ADCY5: variants seen among roughly 807,000 people sequenced by gnomAD.
ADCY5 encodes adenylate cyclase 5, also known as adenylate cyclase type 5.
In ADCY5, 30 loss-of-function variants were observed where a neutral mutation model predicts 119.7. That is an observed-to-expected ratio of 0.25 (90% CI 0.19 to 0.34). The LOEUF (loss-of-function observed/expected upper bound fraction) is 0.34, where lower values mean the gene tolerates loss of function less well. ADCY5 is among the 10% of genes least tolerant of loss of function. The probability of loss-of-function intolerance (pLI) is 1.00; values close to 1 mark genes in which losing one functional copy is unlikely to be tolerated. For missense variants in ADCY5, 1,324 were observed against 1,775.2 expected, an observed-to-expected ratio of 0.75 and a Z score of 4.57; for synonymous variants, 753 against 762.2, an observed-to-expected ratio of 0.99 and a Z score of 0.20.
In ADCY5 at chr3:123,448,406, C is replaced by G; in HGVS notation, c.140G>C (p.Gly47Ala). ...CTTGGTGGAGCCGCGGGCAGAGCCC[C>G]CGGGGGCATGGGGGTAGCCATTCGC... ...SRANGYPHAPGGSARGSTKKP... is the reference protein window; with the variant it reads ...SRANGYPHAPAGSARGSTKKP... Residue 47 changes from glycine to alanine, a missense_variant, in exon 1 of 21, where the codon GGG (glycine) becomes GCG (alanine). Around this residue, in one of 6 missense-constraint regions of ADCY5, gnomAD observed 585 missense variants for 569.9 expected, o/e 1.03. Transcript: ENST00000462833. 1 of 1,416,290 alleles carries G rather than the reference C, an allele frequency of 7.1e-7. No individual in the cohort carries two copies. Among genetic ancestry groups the G allele is most frequent in the South Asian group, 1.4e-5 (1 of 69,772 alleles). 87.7% of individuals were successfully genotyped at this position (1,416,290 alleles called of 1,614,324 possible).
intron 3 of ADCY5, among the ~76,000 whole-genome samples, chr3:123,342,850 C>T (rs1942356413): frequency 6.6e-6 from 1 of 152,170 alleles, no homozygotes; most frequent in African/African-American, 2.4e-5. Context: ...CCCCTGAAAC[C>T]TTTGGGGTGT....
chr3:123,447,712 G>A lies in ADCY5; in HGVS notation c.834C>T (p.Val278=). 1 of 1,599,334 alleles carries A rather than the reference G, an allele frequency of 6.3e-7. No individual in the cohort carries two copies. The highest frequency in any genetic ancestry group is 1.3e-5 in the African/African-American group (1 of 74,704). The change falls in exon 1 of 21, where the codon GTC becomes GTT. Residue 278 remains valine, a synonymous_variant. Coordinates refer to ENST00000462833, the MANE Select transcript of ADCY5 (RefSeq NM_183357.3). ...LPYLAVLAAA[V]GVILIMAVLC... is the part of the protein sequence containing the mutation. The stretch of plus-strand genomic sequence containing the variant: ...GCACAGCCATGATGAGGATCACGCC[G>A]ACGGCGGCCGCCAGCACGGCCAGGT...
At chr3:123,297,191 C>T (rs919166168) in intron 16 of ADCY5, 162 bp downstream of exon 16, 98 of 1,331,166 alleles carry the variant, frequency 7.4e-5, no homozygotes, top group Middle Eastern at 1.9e-4. Context: ...CCCCCGAGGA[C>T]GCCTTGCTAC....
Position 123,392,633 on chromosome 3 carries a change from C to A in ADCY5, c.1135-40052G>T, listed in dbSNP as rs569978918. Among the ~76,000 whole-genome samples the A allele has an allele frequency of 4.6e-5, 7 of 152,256 alleles. No homozygotes were observed. In the South Asian group the frequency reaches 1.5e-3, roughly 32 times the overall value. ...GAGTCTGAATCCAGGCCCTCGGTCCCCAGGCAGACAGTGTTACTCCCCTTC... is the reference window on the plus strand; with the variant it reads ...GAGTCTGAATCCAGGCCCTCGGTCCACAGGCAGACAGTGTTACTCCCCTTC... On this transcript the variant is annotated intron_variant, in intron 1 of 20. Coordinates refer to ENST00000462833, the MANE Select transcript of ADCY5 (RefSeq NM_183357.3).
intron 12 of ADCY5, among the ~76,000 whole-genome samples, chr3:123,308,783 C>T (rs529282583): frequency 1.3e-4 from 20 of 152,208 alleles, no homozygotes; most frequent in South Asian, 1.0e-3. Context: ...GAGCCGAGAT[C>T]GTGCCACTGC....
At chr3:123,379,351 T>G in intron 1 of ADCY5, among the ~76,000 whole-genome samples, 1 of 150,982 alleles carries the variant, frequency 6.6e-6, no homozygotes, top group African/African-American at 2.4e-5. Context: ...GACCCCGGAG[T>G]GGGGTTTGGG....
chr3:123,414,715 C>T (rs897502089), intron 1 of ADCY5, among the ~76,000 whole-genome samples: 12 of 152,160 alleles, frequency 7.9e-5, no homozygotes, highest in African/African-American at 2.7e-4. Context: ...CACCACCATG[C>T]CCGGCTAATT....
rs752517210 is a variant in ADCY5 at position 123,331,008 on chromosome 3, G to A, written c.1527C>T (p.His509=). 9 of 1,610,456 alleles carry A rather than the reference G, an allele frequency of 5.6e-6. No individual in the cohort carries two copies. In the African/African-American group the frequency reaches 6.7e-5, roughly 12 times the overall value. ...ARFDKLAAEN[H]CLRIKILGDC... ...CCCCAAGGATCTTAATACGTAAACA[G>A]TGATTCTCCTGGAAAGCAAATTAAT... The change falls in exon 5 of 21, where the codon CAC becomes CAT. Residue 509 remains histidine (H), a synonymous_variant. Coordinates refer to ENST00000462833, the MANE Select transcript of ADCY5 (RefSeq NM_183357.3).
At position 123,448,367 on chromosome 3, in the gene ADCY5, GC is replaced by G. The variant is rs756172692; in HGVS notation, c.178del (p.Ala60ArgfsTer2). The G allele has an allele frequency of 2.0e-5, 30 of 1,487,084 alleles. No homozygotes were observed. Among genetic ancestry groups the G allele is most frequent in the Admixed American group, 1.4e-4 (6 of 42,778 alleles). The allele number at this position is 1,487,084 out of a possible 1,614,324, so 92.1% of individuals were successfully genotyped here. A position where few individuals can be genotyped will look rare whatever the true frequency, so the allele number is the denominator to read the frequency against. ...GCGCTGCTGCTGCTGCGGGGTCACC[GC>G]CCCCCCGGGTTTCTTGGTGGAGCCG... The part of the protein sequence containing the change: ...ARGSTKKPGG[A>X]VTPQQQQRLA... On this transcript the variant is annotated frameshift_variant, in exon 1 of 21. Transcript: ENST00000462833. LOFTEE classifies it high-confidence loss of function.
chr3:123,288,585 G>A (rs1938934632), intron 19 of ADCY5, among the ~76,000 whole-genome samples: 1 of 152,198 alleles, frequency 6.6e-6, no homozygotes, highest in Non-Finnish European at 1.5e-5. Context: ...TTTGGGCTTT[G>A]TGGAACGAGT....
intron 12 of ADCY5, among the ~76,000 whole-genome samples, chr3:123,310,397 A>G (rs2108299176): frequency 6.6e-6 from 1 of 152,250 alleles, no homozygotes; most frequent in East Asian, 1.9e-4. Context: ...GGAGCTGGCC[A>G]AAGAGGGAAG....
At chr3:123,294,791 G>C (rs1939398826) in intron 17 of ADCY5, among the ~76,000 whole-genome samples, 1 of 152,216 alleles carries the variant, frequency 6.6e-6, no homozygotes, top group Admixed American at 6.5e-5. Context: ...ATGACGCAGG[G>C]AGTGACCTTG....
intron 2 of ADCY5, among the ~76,000 whole-genome samples, chr3:123,351,244 G>A (rs890183580): frequency 6.6e-6 from 1 of 152,092 alleles, no homozygotes; most frequent in Non-Finnish European, 1.5e-5. Flanking sequence ...CTGTCTGGAT[G>A]TCACCAGCCA....
At chr3:123,296,255 C>G (rs984096883) in intron 16 of ADCY5, 39 bp from the exon 17 acceptor site, 6 of 1,600,478 alleles carry the variant, frequency 3.7e-6, no homozygotes, top group Non-Finnish European at 5.1e-6. Flanking sequence ...ACGGCCGTGG[C>G]TCCTCACAGC....
chr3:123,327,747 G>A lies in ADCY5; in HGVS notation c.1818C>T (p.Ile606=). The change falls in exon 7 of 21, where the codon ATC becomes ATT. Residue 606 remains isoleucine, a synonymous_variant. Coordinates refer to ENST00000462833, the MANE Select transcript of ADCY5 (RefSeq NM_183357.3). ...EAGGKAGRIH[I]TKATLNYLNG... is the part of the protein sequence containing the mutation. ...TCAGGTAGTTGAGTGTAGCCTTGGTGATGTGGATGCGTCTACAGGGGGGCA... is the reference window on the plus strand; with the variant it reads ...TCAGGTAGTTGAGTGTAGCCTTGGTAATGTGGATGCGTCTACAGGGGGGCA... The A allele has an allele frequency of 6.2e-7, 1 of 1,614,102 alleles. No homozygotes were observed. The highest frequency in any genetic ancestry group is 8.5e-7 in the Non-Finnish European group (1 of 1,180,008).
intron 3 of ADCY5, among the ~76,000 whole-genome samples, chr3:123,334,368 T>C (rs1384364495): frequency 6.6e-6 from 1 of 152,242 alleles, no homozygotes; most frequent in Non-Finnish European, 1.5e-5. Flanking sequence ...TCCAGAACCA[T>C]GTTTCAGTTT....
At chr3:123,398,086 C>A (rs1487499711) in intron 1 of ADCY5, among the ~76,000 whole-genome samples, 2 of 152,210 alleles carry the variant, frequency 1.3e-5, no homozygotes, top group Non-Finnish European at 2.9e-5. Flanking sequence ...ACTGCCTCAG[C>A]CCTGCAGCAC....
In ADCY5 at chr3:123,349,661, C is replaced by G. The variant is rs538431941; in HGVS notation, c.1285-1758G>C. Among the ~76,000 whole-genome samples, 8 of 152,288 alleles carry G rather than the reference C, an allele frequency of 5.3e-5. No individual in the cohort carries two copies. In the South Asian group the frequency reaches 6.2e-4, roughly 12 times the overall value. On this transcript the variant is annotated intron_variant, in intron 2 of 20. Transcript: ENST00000462833. ...AAGCAAAGCCCATGTCCCCCTACCC[C>G]CTTGCTATGCCTCATGCTTGCCTGG... is the stretch of plus-strand genomic sequence containing the variant.
intron 1 of ADCY5, among the ~76,000 whole-genome samples, chr3:123,402,905 C>T (rs897812972): frequency 4.7e-5 from 7 of 149,336 alleles, no homozygotes; most frequent in African/African-American, 4.9e-5. Flanking sequence ...TCTTCTTTTT[C>T]GCAGGGAAGA....
Sources: gnomAD v4.1 joint callset for allele counts (sites outside exome capture counted in the v4.1 genomes callset) on GRCh38, gnomAD v4.1.1 for gene constraint, gnomAD v4.1.1 regional missense constraint, MANE v1.5 for transcripts, NCBI Gene and HGNC (gene_info 2026-07-23, HGNC 2026-07-21) for gene names.